The following PCBD2 variants were observed in gnomAD, a reference collection of about 807,000 sequenced individuals.
PCBD2 encodes pterin-4-alpha-carbinolamine dehydratase 2.
In PCBD2, 12 loss-of-function variants were observed where a neutral mutation model predicts 16.4. The ratio of observed to expected loss-of-function variants is 0.73; its 90% CI spans 0.47 to 1.19. The LOEUF is 1.19. Ranked by LOEUF, PCBD2 falls within the 50% of genes most tolerant of loss-of-function variation. The pLI is 0.00. For synonymous variants in PCBD2, 58 were observed against 61.8 expected, an observed-to-expected ratio of 0.94 and a Z score of 0.29; for missense variants, 138 against 156.8, an observed-to-expected ratio of 0.88 and a Z score of 0.64.
intron 2 of PCBD2, among the ~76,000 whole-genome samples, chr5:134,918,114 C>T (rs1250751856): frequency 6.6e-6 from 1 of 152,128 alleles, no homozygotes; most frequent in Non-Finnish European, 1.5e-5. Flanking sequence ...GTGAGTAATG[C>T]ATCTGTGCAC....
intron 2 of PCBD2, among the ~76,000 whole-genome samples, chr5:134,951,363 C>T (rs1389085522): frequency 1.3e-5 from 2 of 152,178 alleles, no homozygotes; most frequent in East Asian, 3.9e-4. Context: ...CCTTGTTCTG[C>T]TTAATGGCTG....
intron 2 of PCBD2, among the ~76,000 whole-genome samples, chr5:134,954,762 G>A (rs1751395975): frequency 6.7e-6 from 1 of 149,890 alleles, no homozygotes; most frequent in Non-Finnish European, 1.5e-5. Flanking sequence ...TTTTTTTTGA[G>A]ACAGGGTTTT....
chr5:134,954,547 C>T (rs1450158384), intron 2 of PCBD2, among the ~76,000 whole-genome samples: 1 of 152,172 alleles, frequency 6.6e-6, no homozygotes. Context: ...ATAGTTTCCT[C>T]AAGAAGGATG....
rs114690050 is a variant in PCBD2 at position 134,959,406 on chromosome 5, A to G, written c.297+286A>G. Among the ~76,000 whole-genome samples the G allele has an allele frequency of 8.6e-3, 1,317 of 152,362 alleles. 14 individuals are homozygous for G. Among genetic ancestry groups the G allele is most frequent in the African/African-American group, 0.03 (1,253 of 41,580 alleles). On this transcript the variant is annotated intron_variant, in intron 3 of 3. Transcript: ENST00000254908. The stretch of plus-strand genomic sequence containing the variant: ...AAACCGGAGTATCAGCCATGCAGAT[A>G]CGTTTCAAAACTTAAGGTAAATTAT...
chr5:134,948,388 T>G (rs1255130657), intron 2 of PCBD2, among the ~76,000 whole-genome samples: 1 of 152,176 alleles, frequency 6.6e-6, no homozygotes, highest in Non-Finnish European at 1.5e-5. Flanking sequence ...GTTAGAGAAC[T>G]TTCACTAAAA....
chr5:134,908,855 A>G (rs1750730608), intron 1 of PCBD2: 1 of 152,108 alleles, frequency 6.6e-6, no homozygotes, highest in Non-Finnish European at 1.5e-5. Flanking sequence ...GGATTTCTGA[A>G]GTGGGAGTGA....
chr5:134,934,969 TA>T (rs1264435954), intron 2 of PCBD2, among the ~76,000 whole-genome samples: 1 of 152,250 alleles, frequency 6.6e-6, no homozygotes, highest in East Asian at 1.9e-4. Context: ...AACTATATTT[TA>T]AAAGTTAAAA....
At chr5:134,906,708 A>G (rs1750695341) in intron 1 of PCBD2, among the ~76,000 whole-genome samples, 1 of 152,184 alleles carries the variant, frequency 6.6e-6, no homozygotes, top group African/African-American at 2.4e-5. Context: ...GTACCCTCAC[A>G]TTCAAGATCT....
chr5:134,921,510 T>A (rs961037236), intron 2 of PCBD2, among the ~76,000 whole-genome samples: 4 of 151,726 alleles, frequency 2.6e-5, no homozygotes, highest in African/African-American at 9.7e-5. Context: ...TGTTGGGAAA[T>A]AAGGGCCCTA....
intron 2 of PCBD2, chr5:134,926,292 G>A (rs1367904311): frequency 1.1e-5 from 4 of 349,086 alleles, no homozygotes; most frequent in African/African-American, 4.2e-5. Context: ...CTTGGTCTAG[G>A]TATATGAATA....
Position 134,930,670 on chromosome 5 carries a change from C to T in PCBD2, c.216+20204C>T, listed in dbSNP as rs149522986. ...CAACCATGAGAGAGACTAAGACTGG[C>T]ATTCAGTATTTTAGCACCACGGTTT... On this transcript the variant is annotated intron_variant, in intron 2 of 3. Transcript: ENST00000254908. Among the ~76,000 whole-genome samples, 608 of 152,276 alleles carry T rather than the reference C, an allele frequency of 4.0e-3. 4 individuals carry two copies. Among genetic ancestry groups the T allele is most frequent in the African/African-American group, 0.013 (537 of 41,550 alleles).
At chr5:134,905,525 G>C in intron 1 of PCBD2, 1 of 294,192 alleles carries the variant, frequency 3.4e-6, no homozygotes, top group Non-Finnish European at 6.3e-6. Context: ...AGGCAGATGT[G>C]AAAAGTAGTT....
intron 1 of PCBD2, chr5:134,905,524 T>C (rs79641942): frequency 3.4e-6 from 1 of 292,712 alleles, no homozygotes; most frequent in Non-Finnish European, 6.3e-6. Flanking sequence ...AAGGCAGATG[T>C]GAAAAGTAGT....
intron 2 of PCBD2, among the ~76,000 whole-genome samples, chr5:134,942,019 A>G (rs968670534): frequency 2.0e-5 from 3 of 148,262 alleles, no homozygotes; most frequent in African/African-American, 7.7e-5. Flanking sequence ...AGTCCCAGCT[A>G]CTTGGGGGGG....
rs1276829491 is a variant in PCBD2, at chr5:134,905,216, C to T, written c.77C>T (p.Ala26Val). 8.2e-7 allele frequency: 1 copy of T among 1,223,052 alleles called. No homozygotes were observed. The allele number at this position is 1,223,052 out of a possible 1,614,324, so 75.8% of individuals were successfully genotyped here. ...AALRGQSLGL[A>V]AMSSGTHRLT... ...CTGCGAGGCCAGAGCCTAGGGCTAG[C>T]GGCCATGGTGAGTGCACAGCGGCCG... is the stretch of plus-strand genomic sequence containing the variant. The change falls in exon 1 of 4, where the codon GCG becomes GTG. Residue 26 changes from alanine to valine, a missense_variant. Transcript: ENST00000254908.
At chr5:134,933,296 T>A (rs1034704078) in intron 2 of PCBD2, among the ~76,000 whole-genome samples, 1 of 152,210 alleles carries the variant, frequency 6.6e-6, no homozygotes, top group Non-Finnish European at 1.5e-5. Context: ...GATTCAGTAG[T>A]GCCATCTTGG....
At chr5:134,932,956 T>G (rs1254688139) in intron 2 of PCBD2, among the ~76,000 whole-genome samples, 1 of 152,200 alleles carries the variant, frequency 6.6e-6, no homozygotes, top group East Asian at 1.9e-4. Context: ...ATAGGAATGA[T>G]ACCCTCCTGT....
intron 2 of PCBD2, chr5:134,928,136 A>G: frequency 2.6e-6 from 1 of 391,900 alleles, no homozygotes; most frequent in Non-Finnish European, 4.5e-6. Context: ...AGCAAAGACT[A>G]GTATGGCGAT....
At chr5:134,955,236 C>T (rs1751401428) in intron 2 of PCBD2, among the ~76,000 whole-genome samples, 1 of 150,212 alleles carries the variant, frequency 6.7e-6, no homozygotes. Flanking sequence ...TGTTCTGAGT[C>T]ATAGAAAGTT....
Sources: allele counts gnomAD v4.1 joint callset (sites outside exome capture counted in the v4.1 genomes callset), GRCh38; gene constraint gnomAD v4.1.1; transcripts MANE v1.5; gene names NCBI Gene and HGNC (gene_info 2026-07-23, HGNC 2026-07-21).